Variants in EPB41 observed in about 807,000 individuals in gnomAD.
EPB41 encodes protein 4.1.
A neutral mutation model predicts 108.0 loss-of-function variants in EPB41; 65 were observed. The ratio of observed to expected loss-of-function variants is 0.60; its 90% CI spans 0.49 to 0.74. The LOEUF (loss-of-function observed/expected upper bound fraction) is 0.74, where lower values mean the gene tolerates loss of function less well. Ranked by LOEUF, EPB41 falls within the 30% of genes least tolerant of loss-of-function variation. The pLI is 0.00. For missense variants in EPB41, 875 were observed against 1,037.0 expected (o/e 0.84, Z 2.15); for synonymous variants, 336 against 358.9 (o/e 0.94, Z 0.72).
In EPB41 at chr1:29,039,393, G is replaced by A. The variant is rs147988617; in HGVS notation, c.1603G>A (p.Ala535Thr). 3.7e-6 allele frequency: 6 copies of A among 1,614,002 alleles called. No individual in the cohort carries two copies. In the African/African-American group the frequency reaches 6.7e-5, roughly 18 times the overall value. Residue 535 changes from alanine (A) to threonine (T), a missense_variant, in exon 11 of 21, where the codon GCA becomes ACA. Physicochemically the swap from Ala to Thr is moderately conservative, Grantham distance 58 (BLOSUM62 0). Transcript: ENST00000343067. Reference protein sequence around the residue: ...DRPAPHFERTASKRASRSLDG... With the variant: ...DRPAPHFERTTSKRASRSLDG... ...GCCTGCCCCACACTTCGAGCGTACAGCAAGTAAACGGGCGTCCCGGAGCCT... is the reference window on the plus strand; with the variant it reads ...GCCTGCCCCACACTTCGAGCGTACAACAAGTAAACGGGCGTCCCGGAGCCT...
At chr1:28,955,586 G>T (rs1231118983) in intron 1 of EPB41, among the ~76,000 whole-genome samples, 3 of 151,988 alleles carry the variant, frequency 2.0e-5, no homozygotes, top group Non-Finnish European at 4.4e-5. Context: ...CTCATGATCC[G>T]CTCACCTTGG....
chr1:28,912,044 C>T (rs978312158), upstream of EPB41, among the ~76,000 whole-genome samples: 14 of 152,082 alleles, frequency 9.2e-5, no homozygotes, highest in Non-Finnish European at 2.1e-4. Context: ...GAAACCCCTT[C>T]TCAAAAAAAA....
Position 28,949,847 on chromosome 1 carries a change from C to T in EPB41, c.-8+35079C>T, listed in dbSNP as rs576241134. ...TCGATCTCCTGACCTTGTGATGTGCCCGCCTCGGCCTCCCAAAGTGCTGGG... is the reference window on the plus strand; with the variant it reads ...TCGATCTCCTGACCTTGTGATGTGCTCGCCTCGGCCTCCCAAAGTGCTGGG... On this transcript the variant is annotated intron_variant, in intron 1 of 20. Transcript: ENST00000343067. 6.6e-5 allele frequency among the ~76,000 whole-genome samples: 10 copies of T among 152,186 alleles called. No individual in the cohort carries two copies. The South Asian group carries it at 1.0e-3, about 16-fold the overall frequency.
At chr1:28,969,939 AATT>A (rs1440458735) in intron 1 of EPB41, among the ~76,000 whole-genome samples, 6 of 152,098 alleles carry the variant, frequency 3.9e-5, no homozygotes, top group Non-Finnish European at 8.8e-5. Flanking sequence ...AACTGTGTGA[AATT>A]ATTATTCTCT....
chr1:28,932,049 G>A (rs1405078079), intron 1 of EPB41, among the ~76,000 whole-genome samples: 2 of 152,114 alleles, frequency 1.3e-5, no homozygotes, highest in African/African-American at 2.4e-5. Flanking sequence ...GCAATTGTTT[G>A]GTTATTATAA....
intron 2 of EPB41, among the ~76,000 whole-genome samples, chr1:28,989,159 A>G (rs1350638733): frequency 1.3e-5 from 2 of 152,230 alleles, no homozygotes; most frequent in African/African-American, 4.8e-5. Flanking sequence ...ACTAGAGCAT[A>G]TTGCCACAGA....
intron 16 of EPB41, among the ~76,000 whole-genome samples, chr1:29,068,000 C>A (rs561864881): frequency 1.3e-5 from 2 of 152,266 alleles, no homozygotes; most frequent in South Asian, 4.2e-4. Context: ...TTTGATGTAT[C>A]TGTAGTAACA....
intron 12 of EPB41, chr1:29,054,313 A>T (rs895889590): frequency 2.6e-5 from 4 of 152,228 alleles, no homozygotes; most frequent in African/African-American, 9.6e-5. Context: ...ATTGAAATAA[A>T]TATAGCTCTT....
chr1:28,989,785 C>T (rs544861426), intron 2 of EPB41, among the ~76,000 whole-genome samples: 2 of 152,222 alleles, frequency 1.3e-5, no homozygotes, highest in African/African-American at 4.8e-5. Context: ...ATAATAATAT[C>T]CACCTCATTT....
intron 1 of EPB41, among the ~76,000 whole-genome samples, chr1:28,918,837 G>A (rs960367408): frequency 1.3e-5 from 2 of 152,202 alleles, no homozygotes; most frequent in African/African-American, 4.8e-5. Context: ...GATGCCAAAT[G>A]TATGTTATTT....
In EPB41 at chr1:29,018,311, C is replaced by T. The variant is rs749285989; in HGVS notation, c.993C>T (p.Tyr331=). The T allele has an allele frequency of 1.2e-6, 2 of 1,614,154 alleles. No homozygotes were observed. Among genetic ancestry groups the T allele is most frequent in the East Asian group, 4.5e-5 (2 of 44,890 alleles). ...SFATLALLGS[Y]TIQSELGDYD... ...CAACCTTAGCATTATTAGGTTCTTACACCATCCAGTCTGAACTGGGAGACT... is the reference window on the plus strand; with the variant it reads ...CAACCTTAGCATTATTAGGTTCTTATACCATCCAGTCTGAACTGGGAGACT... Residue 331 remains tyrosine (Y), a synonymous_variant, in exon 7 of 21, where the codon TAC becomes TAT. Transcript: ENST00000343067. The surrounding 1 kb of genome is among the most constrained non-coding windows in gnomAD (Gnocchi z 4.4).
At chr1:29,002,544 C>A (rs2096317292) in intron 4 of EPB41, among the ~76,000 whole-genome samples, 3 of 152,098 alleles carry the variant, frequency 2.0e-5, no homozygotes, top group South Asian at 4.1e-4. Flanking sequence ...GTGTCATAAT[C>A]TAGAGATGCA....
chr1:28,905,798 CTCTTTCTTTTTCTT>C (rs1240891453), intron 1 of EPB41, among the ~76,000 whole-genome samples: 3 of 150,484 alleles, frequency 2.0e-5, no homozygotes, highest in Non-Finnish European at 4.4e-5. Flanking sequence ...TATGACTTCT[CTCTTTCTTTTTCTT>C]TCTTTCTTTT....
intron 7 of EPB41, among the ~76,000 whole-genome samples, chr1:29,026,227 C>T (rs2096717036): frequency 6.6e-6 from 1 of 152,090 alleles, no homozygotes; most frequent in African/African-American, 2.4e-5. Context: ...TCAAATTAGT[C>T]AATGTATTCA....
intron 1 of EPB41, chr1:28,890,771 A>G (rs191708823): frequency 2.9e-4 from 70 of 238,618 alleles, no homozygotes; most frequent in African/African-American, 1.5e-3. Context: ...AACAGACTTG[A>G]CCAAAGTCAC....
At chr1:28,949,106 A>G (rs574807078) in intron 1 of EPB41, among the ~76,000 whole-genome samples, 4 of 152,266 alleles carry the variant, frequency 2.6e-5, no homozygotes, top group Admixed American at 2.6e-4. Context: ...CCTTCCCTTC[A>G]GAGATAACTG....
intron 4 of EPB41, among the ~76,000 whole-genome samples, chr1:28,998,787 C>T (rs1342794699): frequency 2.0e-5 from 3 of 152,032 alleles, no homozygotes; most frequent in African/African-American, 4.8e-5. Context: ...TTCAATATCA[C>T]GAAGAGAGTA....
intron 1 of EPB41, among the ~76,000 whole-genome samples, chr1:28,975,940 C>CAAAAAAAAAAAAA (rs775554564): frequency 4.4e-5 from 3 of 67,656 alleles, no homozygotes; most frequent in Non-Finnish European, 6.3e-5. Flanking sequence ...GACTCCATCT[C>CAAAAAAAAAAAAA]AAAAAAAAAA....
chr1:28,896,520 G>C (rs976855861), intron 1 of EPB41, among the ~76,000 whole-genome samples: 1 of 152,228 alleles, frequency 6.6e-6, no homozygotes, highest in African/African-American at 2.4e-5. Flanking sequence ...GGAGCTCGGA[G>C]TCTAGTTGGG....
Sources: allele counts gnomAD v4.1 joint callset (sites outside exome capture counted in the v4.1 genomes callset), GRCh38; gene constraint gnomAD v4.1.1; non-coding constraint Gnocchi (gnomAD v3.1); transcripts MANE v1.5; gene names NCBI Gene and HGNC (gene_info 2026-07-23, HGNC 2026-07-21).